Variants in SNX29 observed in about 807,000 individuals in gnomAD.
SNX29 encodes sorting nexin-29.
SNX29 carries 78 observed loss-of-function variants against 102.1 expected under a neutral mutation model. That is an observed-to-expected ratio of 0.76 (90% CI 0.64 to 0.92). The LOEUF is 0.92. Among genes scored for constraint, SNX29 ranks in the 40% least tolerant of loss-of-function variants. The pLI, the probability that SNX29 is intolerant of heterozygous loss-of-function variation, is 0.00. For synonymous variants in SNX29, 580 were observed against 414.5 expected, an observed-to-expected ratio of 1.40 and a Z score of -4.85; for missense variants, 1,280 against 1,061.7, an observed-to-expected ratio of 1.21 and a Z score of -2.86.
chr16:12,342,092 A>C (rs2081625524), intron 15 of SNX29, among the ~76,000 whole-genome samples: 1 of 152,234 alleles, frequency 6.6e-6, no homozygotes, highest in Non-Finnish European at 1.5e-5. Context: ...AATAGAAAAC[A>C]GAAGAAGATC....
intron 14 of SNX29, among the ~76,000 whole-genome samples, chr16:12,258,328 G>T (rs188193777): frequency 6.6e-6 from 1 of 152,194 alleles, no homozygotes; most frequent in Admixed American, 6.5e-5. Context: ...GAAGTCCCGC[G>T]TTCCCATGTC....
chr16:12,118,228 T>G (rs552570663), intron 11 of SNX29, among the ~76,000 whole-genome samples: 8 of 151,978 alleles, frequency 5.3e-5, no homozygotes, highest in Non-Finnish European at 1.2e-4. Context: ...CTTTGTGCTT[T>G]TAATTCTGGT....
At chr16:12,077,342 C>T (rs1331647471) in intron 10 of SNX29, among the ~76,000 whole-genome samples, 1 of 150,528 alleles carries the variant, frequency 6.6e-6, no homozygotes, top group African/African-American at 2.5e-5. Context: ...TAACCCTCAA[C>T]TTCATTATGT....
intron 20 of SNX29, among the ~76,000 whole-genome samples, chr16:12,567,439 T>G (rs981747195): frequency 6.6e-6 from 1 of 152,232 alleles, no homozygotes; most frequent in Non-Finnish European, 1.5e-5. Flanking sequence ...AGAACATTCC[T>G]AGCCCCAGAA....
chr16:12,244,362 A>C (rs1393471698), intron 14 of SNX29, among the ~76,000 whole-genome samples: 4 of 152,220 alleles, frequency 2.6e-5, no homozygotes, highest in Non-Finnish European at 4.4e-5. Context: ...TAATCCCAGC[A>C]CTTTGGGAAG....
At chr16:12,407,302 G>T (rs555626174) in intron 18 of SNX29, among the ~76,000 whole-genome samples, 1 of 151,514 alleles carries the variant, frequency 6.6e-6, no homozygotes, top group African/African-American at 2.4e-5. Flanking sequence ...CCTTTGGCAG[G>T]TGACAAGCTT....
chr16:12,547,982 C>T (rs760694493), intron 20 of SNX29, among the ~76,000 whole-genome samples: 3 of 152,270 alleles, frequency 2.0e-5, no homozygotes, highest in Non-Finnish European at 2.9e-5. Flanking sequence ...CAGCATGGCA[C>T]AGGGGTCTCG....
At chr16:12,336,389 C>T (rs1293476195) in intron 15 of SNX29, among the ~76,000 whole-genome samples, 1 of 152,168 alleles carries the variant, frequency 6.6e-6, no homozygotes, top group Non-Finnish European at 1.5e-5. Flanking sequence ...AAACTGTGTC[C>T]CTGCTGCCCT....
intron 15 of SNX29, among the ~76,000 whole-genome samples, chr16:12,322,704 G>A (rs968980301): frequency 6.6e-6 from 1 of 151,770 alleles, no homozygotes; most frequent in African/African-American, 2.4e-5. Flanking sequence ...GGGGACCACC[G>A]TCAGGACTTG....
At chr16:12,077,357 G>T (rs73515700) in intron 10 of SNX29, among the ~76,000 whole-genome samples, 2,175 of 149,732 alleles carry the variant, frequency 0.015, 54 homozygotes, top group African/African-American at 0.051. Flanking sequence ...TTATGTTGTT[G>T]ATGTTTTGGT....
At chr16:12,467,047 G>A (rs2087087177) in intron 18 of SNX29, among the ~76,000 whole-genome samples, 1 of 152,222 alleles carries the variant, frequency 6.6e-6, no homozygotes, top group Non-Finnish European at 1.5e-5. Context: ...GAAGGAAAAG[G>A]CAGTGGCCAG....
chr16:12,274,771 G>A (rs968260938), intron 14 of SNX29, among the ~76,000 whole-genome samples: 16 of 151,940 alleles, frequency 1.1e-4, no homozygotes, highest in Non-Finnish European at 1.3e-4. Flanking sequence ...TTTGTTATTC[G>A]TTGCCTCTAT....
chr16:12,068,909 A>G (rs2051162954), intron 9 of SNX29, 148 bp from the exon 10 acceptor site: 1 of 663,590 alleles, frequency 1.5e-6, no homozygotes, highest in Non-Finnish European at 2.6e-6. Context: ...GAAACAGCTG[A>G]TTAAAATCCA....
At chr16:12,466,142 C>T (rs1386716234) in intron 18 of SNX29, among the ~76,000 whole-genome samples, 2 of 152,144 alleles carry the variant, frequency 1.3e-5, no homozygotes, top group Admixed American at 1.3e-4. Context: ...AAGTCCCATT[C>T]AGAGCAATTA....
chr16:12,051,489 C>T (rs1291305358), intron 7 of SNX29, among the ~76,000 whole-genome samples: 1 of 152,138 alleles, frequency 6.6e-6, no homozygotes, highest in Non-Finnish European at 1.5e-5. Flanking sequence ...TTGACTACAC[C>T]CCCCAGCTGG....
At chr16:12,200,178 A>T (rs1207096262) in intron 14 of SNX29, among the ~76,000 whole-genome samples, 2 of 152,174 alleles carry the variant, frequency 1.3e-5, no homozygotes, top group Non-Finnish European at 2.9e-5. Flanking sequence ...CAATCCATGT[A>T]GACGTCTTAG....
chr16:12,548,982 G>C (rs148875868), intron 20 of SNX29, among the ~76,000 whole-genome samples: 185 of 152,320 alleles, frequency 1.2e-3, no homozygotes, highest in African/African-American at 4.4e-3. Flanking sequence ...TGAGGCCCCT[G>C]CTCTCCCGTG....
chr16:12,346,486 TC>T (rs1208282298), intron 15 of SNX29, among the ~76,000 whole-genome samples: 5 of 152,100 alleles, frequency 3.3e-5, no homozygotes, highest in African/African-American at 7.2e-5. Context: ...CAAAGTCACA[TC>T]TAGGGAGTCA....
At chr16:12,185,201 G>A (rs2076480911) in intron 13 of SNX29, among the ~76,000 whole-genome samples, 1 of 152,158 alleles carries the variant, frequency 6.6e-6, no homozygotes, top group Non-Finnish European at 1.5e-5. Flanking sequence ...CAGGGGCCAG[G>A]TAGATAACGG....
Sources: gnomAD v4.1 joint callset for allele counts (sites outside exome capture counted in the v4.1 genomes callset) on GRCh38, gnomAD v4.1.1 for gene constraint, MANE v1.5 for transcripts, NCBI Gene and HGNC (gene_info 2026-07-23, HGNC 2026-07-21) for gene names.